C6orf52: variants seen among roughly 807,000 people sequenced by gnomAD.
C6orf52 encodes the protein chromosome 6 open reading frame 52.
C6orf52 carries 16 observed loss-of-function variants against 16.6 expected under a neutral mutation model. The observed-to-expected ratio is 0.96, with a 90% confidence interval of 0.65 to 1.46. The LOEUF is 1.46. Among genes scored for constraint, C6orf52 ranks in the 40% most tolerant of loss-of-function variants. C6orf52 has a pLI of 0.00. For synonymous variants in C6orf52, 53 were observed against 61.4 expected, an observed-to-expected ratio of 0.86 and a Z score of 0.64; for missense variants, 166 against 182.3, an observed-to-expected ratio of 0.91 and a Z score of 0.52.
chr6:10,672,263 C>G (rs751645020), intron 4 of C6orf52, among the ~76,000 whole-genome samples: 30 of 152,082 alleles, frequency 2.0e-4, no homozygotes, highest in Non-Finnish European at 4.0e-4. Flanking sequence ...ATGGAAGAAG[C>G]CTTTTATGTT....
intron 1 of C6orf52, among the ~76,000 whole-genome samples, chr6:10,693,940 G>A (rs1259620714): frequency 6.6e-6 from 1 of 152,060 alleles, no homozygotes; most frequent in African/African-American, 2.4e-5. Context: ...TGTTGCTCAG[G>A]CTCACTTTGT....
At chr6:10,689,268 G>C (rs1396005829) in intron 1 of C6orf52, among the ~76,000 whole-genome samples, 1 of 152,230 alleles carries the variant, frequency 6.6e-6, no homozygotes, top group Admixed American at 6.5e-5. Context: ...ACCGTGCCCG[G>C]CCTCCCAAGT....
intron 3 of C6orf52, among the ~76,000 whole-genome samples, chr6:10,685,717 C>G (rs1052481305): frequency 6.6e-6 from 1 of 152,154 alleles, no homozygotes; most frequent in Non-Finnish European, 1.5e-5. Flanking sequence ...TCACAGAACA[C>G]AGATAGCAAT....
intron 1 of C6orf52, among the ~76,000 whole-genome samples, chr6:10,689,401 T>C (rs1019900210): frequency 6.6e-6 from 1 of 152,248 alleles, no homozygotes; most frequent in Non-Finnish European, 1.5e-5. Flanking sequence ...AGAGTGGATT[T>C]CCTCATGTCT....
At chr6:10,681,117 T>G (rs1307142392) in intron 4 of C6orf52, among the ~76,000 whole-genome samples, 1 of 152,228 alleles carries the variant, frequency 6.6e-6, no homozygotes, top group Non-Finnish European at 1.5e-5. Flanking sequence ...GGGAAACTTT[T>G]TATTACTGTT....
chr6:10,694,687 C>A (rs549142659), upstream of C6orf52: 9 of 317,098 alleles, frequency 2.8e-5, no homozygotes, highest in Non-Finnish European at 4.7e-5. Flanking sequence ...TCCCTTCAGA[C>A]GGGCGTAGCT....
intron 4 of C6orf52, among the ~76,000 whole-genome samples, chr6:10,674,929 C>T (rs1767748398): frequency 6.6e-6 from 1 of 151,866 alleles, no homozygotes; most frequent in African/African-American, 2.4e-5. Flanking sequence ...CCTGCCTCAG[C>T]CTCCCAAGTA....
At position 10,694,592 on chromosome 6, in the gene C6orf52, G is replaced by T; in HGVS notation, c.-110C>A. On this transcript the variant is annotated 5_prime_UTR_variant, in exon 1 of 5. The change creates a new upstream start codon in the 5' untranslated region. Coordinates refer to ENST00000259983, the MANE Select transcript of C6orf52 (RefSeq NM_001145020.3). ...AACAATGCACGCTGCCGGCGCTACA[G>T]CCCCTAAGCAACCGGCCGGAAGTCG... is the stretch of plus-strand genomic sequence containing the variant. 1 of 180,830 alleles carries T rather than the reference G, an allele frequency of 5.5e-6. No homozygotes were observed. Among genetic ancestry groups the T allele is most frequent in the South Asian group, 9.5e-5 (1 of 10,514 alleles). The allele number at this position is 180,830 out of a possible 1,614,324, so 11.2% of individuals were successfully genotyped here.
intron 4 of C6orf52, among the ~76,000 whole-genome samples, chr6:10,676,132 AAAAACAAAAC>A (rs201753993): frequency 6.6e-6 from 1 of 152,098 alleles, no homozygotes; most frequent in Non-Finnish European, 1.5e-5. Flanking sequence ...TCACTCTCAA[AAAAACAAAAC>A]AAAACAAAAC....
chr6:10,676,585 G>A (rs1288739140), intron 4 of C6orf52, among the ~76,000 whole-genome samples: 1 of 152,174 alleles, frequency 6.6e-6, no homozygotes, highest in African/African-American at 2.4e-5. Context: ...ACAAGATGGC[G>A]GACAAGTGGA....
upstream of C6orf52, chr6:10,694,694 A>G (rs1392477235): frequency 9.0e-6 from 3 of 333,918 alleles, no homozygotes; most frequent in Non-Finnish European, 1.7e-5. Context: ...AGACGGGCGT[A>G]GCTGGCACCT....
At chr6:10,675,084 C>T (rs1581531946) in intron 4 of C6orf52, among the ~76,000 whole-genome samples, 2 of 152,140 alleles carry the variant, frequency 1.3e-5, no homozygotes, top group African/African-American at 4.8e-5. Flanking sequence ...GCTGGGATTA[C>T]AGGTGTAAGC....
upstream of C6orf52, chr6:10,694,799 A>G: frequency 1.8e-6 from 1 of 554,622 alleles, no homozygotes; most frequent in Non-Finnish European, 3.2e-6. Flanking sequence ...TGGAAAATCC[A>G]TGTGACCTCC....
In C6orf52 at chr6:10,671,485, A is replaced by C; in HGVS notation, c.430T>G (p.Ser144Ala). 6.5e-7 allele frequency: 1 copy of C among 1,548,812 alleles called. No individual in the cohort carries two copies. The highest frequency in any genetic ancestry group is 1.2e-5 in the South Asian group (1 of 83,268). The change falls in exon 5 of 5, where the codon TCC becomes GCC. Residue 144 changes from serine (S) to alanine (A), a missense_variant. Coordinates refer to ENST00000259983, the MANE Select transcript of C6orf52 (RefSeq NM_001145020.3). ...TTCGGGGTCTCATCTGGGATTTCGG[A>C]GTGAACTGTGTCCAGAGGCTGCCAG... is the stretch of plus-strand genomic sequence containing the variant. Reference protein sequence around the residue: ...CHWQPLDTVHSEIPDETPK With the variant: ...CHWQPLDTVHAEIPDETPK
chr6:10,683,092 C>A (rs994660860), intron 4 of C6orf52, 95 bp downstream of exon 4: 6 of 801,114 alleles, frequency 7.5e-6, no homozygotes, highest in Non-Finnish European at 9.7e-6. Flanking sequence ...TTGGAATTTT[C>A]CAATAGAACC....
At chr6:10,694,630 C>CATTAAAATA, upstream of C6orf52, 1 of 199,052 alleles carries the variant, frequency 5.0e-6, no homozygotes, top group Non-Finnish European at 1.1e-5. Flanking sequence ...CCCACCTCCT[C>CATTAAAATA]CTGATGTCAC....
intron 2 of C6orf52, 39 bp downstream of exon 2, chr6:10,687,441 T>G (rs376925923): frequency 1.2e-5 from 16 of 1,388,586 alleles, no homozygotes; most frequent in Non-Finnish European, 1.5e-5. Context: ...AATAGAACAG[T>G]AACAGCTTTC....
At chr6:10,678,953 C>T (rs1212271875) in intron 4 of C6orf52, among the ~76,000 whole-genome samples, 3 of 151,918 alleles carry the variant, frequency 2.0e-5, no homozygotes, top group African/African-American at 7.3e-5. Context: ...ATTAGCCAGG[C>T]ATGGTGGTGC....
intron 4 of C6orf52, chr6:10,672,563 T>C (rs1411679999): frequency 1.4e-6 from 1 of 701,602 alleles, no homozygotes; most frequent in South Asian, 1.5e-5. Context: ...CCCCAACACT[T>C]TGGGAAGCTG....
Sources: gnomAD v4.1 joint callset for allele counts (sites outside exome capture counted in the v4.1 genomes callset) on GRCh38, gnomAD v4.1.1 for gene constraint, MANE v1.5 for transcripts, NCBI Gene and HGNC (gene_info 2026-07-23, HGNC 2026-07-21) for gene names.